The following DENND1B variants were observed in gnomAD, a reference collection of about 807,000 sequenced individuals.
The protein encoded by DENND1B is DENN domain containing 1B.
A neutral mutation model predicts 90.1 loss-of-function variants in DENND1B; 59 were observed. The observed-to-expected ratio is 0.65, with a 90% CI of 0.53 to 0.81. The LOEUF is 0.81. DENND1B is among the 40% of genes least tolerant of loss of function. DENND1B has a pLI of 0.00. For synonymous variants in DENND1B, 337 were observed against 324.6 expected, an observed-to-expected ratio of 1.04 and a Z score of -0.41; for missense variants, 862 against 912.6, an observed-to-expected ratio of 0.94 and a Z score of 0.71.
intron 2 of DENND1B, among the ~76,000 whole-genome samples, chr1:197,765,201 G>A (rs953875041): frequency 2.0e-5 from 3 of 152,132 alleles, no homozygotes; most frequent in Non-Finnish European, 2.9e-5. Context: ...TCACAGAAAC[G>A]TGAACCAAGA....
intron 4 of DENND1B, 118 bp from the exon 5 acceptor site, chr1:197,672,274 CT>C: frequency 8.1e-7 from 1 of 1,235,394 alleles, no homozygotes; most frequent in Non-Finnish European, 1.1e-6. Context: ...TCAGTTGGTT[CT>C]TGAAGCTAGA....
At chr1:197,760,186 T>G (rs1262866160) in intron 2 of DENND1B, among the ~76,000 whole-genome samples, 3 of 152,172 alleles carry the variant, frequency 2.0e-5, no homozygotes, top group African/African-American at 7.2e-5. Context: ...CTTCAAACAT[T>G]TTTAATGCTT....
chr1:197,746,836 T>C, intron 2 of DENND1B: 1 of 1,611,742 alleles, frequency 6.2e-7, no homozygotes, highest in Non-Finnish European at 8.5e-7. Context: ...GGGCAGCCTG[T>C]GAATTTTCAA....
intron 2 of DENND1B, among the ~76,000 whole-genome samples, chr1:197,739,710 A>T (rs1470292853): frequency 6.6e-6 from 1 of 152,218 alleles, no homozygotes; most frequent in East Asian, 1.9e-4. Flanking sequence ...CAACAAAGTC[A>T]TTGTATCCTG....
intron 3 of DENND1B, among the ~76,000 whole-genome samples, chr1:197,707,120 G>A (rs1659617703): frequency 6.6e-6 from 1 of 152,168 alleles, no homozygotes; most frequent in South Asian, 2.1e-4. Context: ...CAACACAGAT[G>A]GGCTTGGAGG....
chr1:197,541,958 A>G (rs1034142470), intron 18 of DENND1B, among the ~76,000 whole-genome samples: 7 of 152,128 alleles, frequency 4.6e-5, no homozygotes, highest in African/African-American at 1.4e-4. Flanking sequence ...AGTCTCTTCC[A>G]TGGTTCTATA....
chr1:197,616,755 G>A (rs1216524453), intron 11 of DENND1B, among the ~76,000 whole-genome samples: 1 of 151,100 alleles, frequency 6.6e-6, no homozygotes, highest in Non-Finnish European at 1.5e-5. Context: ...TAAAAGTGCT[G>A]TGTTTTAGTA....
At chr1:197,654,047 G>A (rs1003150933) in intron 6 of DENND1B, among the ~76,000 whole-genome samples, 11 of 151,970 alleles carry the variant, frequency 7.2e-5, no homozygotes, top group Non-Finnish European at 1.6e-4. Flanking sequence ...ATACTTCATA[G>A]AATTAAGCAA....
intron 5 of DENND1B, among the ~76,000 whole-genome samples, chr1:197,665,747 T>G (rs1392764522): frequency 6.6e-6 from 1 of 152,160 alleles, no homozygotes; most frequent in Non-Finnish European, 1.5e-5. Context: ...ATAAATATTT[T>G]TCTTTTACAA....
chr1:197,752,505 A>G (rs1452892248), intron 2 of DENND1B, among the ~76,000 whole-genome samples: 2 of 152,074 alleles, frequency 1.3e-5, no homozygotes, highest in Admixed American at 6.5e-5. Flanking sequence ...TTAAGTTTCT[A>G]TATACATTGA....
At chr1:197,703,557 T>C (rs968572600) in intron 3 of DENND1B, among the ~76,000 whole-genome samples, 1 of 152,156 alleles carries the variant, frequency 6.6e-6, no homozygotes, top group Non-Finnish European at 1.5e-5. Context: ...CATTTTGACT[T>C]TGCAGACCTC....
intron 2 of DENND1B, among the ~76,000 whole-genome samples, chr1:197,771,753 G>A (rs1656646439): frequency 6.6e-6 from 1 of 152,156 alleles, no homozygotes; most frequent in African/African-American, 2.4e-5. Context: ...CAGTCTCCAC[G>A]AAACCCCTAT....
At chr1:197,763,013 C>T (rs1325041051) in intron 2 of DENND1B, among the ~76,000 whole-genome samples, 2 of 152,128 alleles carry the variant, frequency 1.3e-5, no homozygotes, top group Admixed American at 6.5e-5. Context: ...AAATCACCAC[C>T]TTGTAAAGAC....
At chr1:197,624,831 T>C (rs1044148956) in intron 10 of DENND1B, among the ~76,000 whole-genome samples, 17 of 151,838 alleles carry the variant, frequency 1.1e-4, no homozygotes, top group Non-Finnish European at 2.2e-4. Flanking sequence ...AAGGAGCTGA[T>C]GGAGCTGAAA....
chr1:197,713,793 T>TTA (rs1558432740), intron 3 of DENND1B, among the ~76,000 whole-genome samples: 1 of 20,226 alleles, frequency 4.9e-5, no homozygotes, highest in Non-Finnish European at 8.2e-5. Context: ...TATTATAATA[T>TTA]TATTATATTA....
At chr1:197,604,094 T>C (rs955631328) in intron 13 of DENND1B, among the ~76,000 whole-genome samples, 3 of 151,284 alleles carry the variant, frequency 2.0e-5, no homozygotes, top group African/African-American at 4.8e-5. Flanking sequence ...AATATATTAA[T>C]AGACAAAAAC....
intron 2 of DENND1B, among the ~76,000 whole-genome samples, chr1:197,757,042 C>A (rs1654401893): frequency 2.0e-5 from 3 of 150,798 alleles, no homozygotes; most frequent in Admixed American, 2.0e-4. Flanking sequence ...GTATATAAAA[C>A]AAAAGAATCT....
chr1:197,781,296 T>G, the DENND1B span, among the ~76,000 whole-genome samples: 1 of 152,208 alleles, frequency 6.6e-6, no homozygotes, highest in Non-Finnish European at 1.5e-5. Flanking sequence ...GTAGCTAACA[T>G]GTATCCAAGT....
In DENND1B at chr1:197,672,005, T is replaced by C. The variant is rs376351452; in HGVS notation, c.296+32A>G. On this transcript the variant is annotated intron_variant, in intron 5 of 22. Transcript: ENST00000620048. ...ACAATAGAGAGATAGTTACCTATTT[T>C]GCATCTAATTTTTTTTACTACAAAT... is the stretch of plus-strand genomic sequence containing the variant. The C allele has an allele frequency of 5.3e-5, 85 of 1,600,114 alleles. No homozygotes were observed. In the African/African-American group the frequency reaches 1.0e-3, roughly 19 times the overall value.
Sources: gnomAD v4.1 joint callset for allele counts (sites outside exome capture counted in the v4.1 genomes callset) on GRCh38, gnomAD v4.1.1 for gene constraint, MANE v1.5 for transcripts, NCBI Gene and HGNC (gene_info 2026-07-23, HGNC 2026-07-21) for gene names.